Variants in NNT observed in about 807,000 individuals in gnomAD.
NNT encodes NAD(P) transhydrogenase, mitochondrial.
A neutral mutation model predicts 104.8 loss-of-function variants in NNT; 50 were observed. That is an observed-to-expected ratio of 0.48 (90% CI 0.38 to 0.60). The LOEUF (loss-of-function observed/expected upper bound fraction) is 0.60, where lower values mean the gene tolerates loss of function less well. Among genes scored for constraint, NNT ranks in the 20% least tolerant of loss-of-function variants. The pLI is 0.00. For missense variants in NNT, 1,131 were observed against 1,330.7 expected, an observed-to-expected ratio of 0.85 and a Z score of 2.33; for synonymous variants, 461 against 490.4, an observed-to-expected ratio of 0.94 and a Z score of 0.79.
intron 19 of NNT, among the ~76,000 whole-genome samples, chr5:43,683,367 T>A (rs1741820918): frequency 6.6e-6 from 1 of 152,198 alleles, no homozygotes; most frequent in South Asian, 2.1e-4. Flanking sequence ...AGCATATTGG[T>A]ATGGTGGAAA....
At chr5:43,648,289 CA>C in intron 10 of NNT, 1 of 993,910 alleles carries the variant, frequency 1.0e-6, no homozygotes. Context: ...TAGTTTACAT[CA>C]AGGAAAAAGG....
At chr5:43,683,674 C>G (rs1741835811) in intron 19 of NNT, among the ~76,000 whole-genome samples, 1 of 152,148 alleles carries the variant, frequency 6.6e-6, no homozygotes, top group African/African-American at 2.4e-5. Context: ...GCTCATTAGC[C>G]ATTGCATTCC....
chr5:43,641,215 T>C (rs1026005720), intron 7 of NNT, among the ~76,000 whole-genome samples: 2 of 152,152 alleles, frequency 1.3e-5, no homozygotes, highest in African/African-American at 4.8e-5. Flanking sequence ...AGTCTTTCTC[T>C]CTCTGGACTT....
At chr5:43,618,934 TC>T (rs1011673588) in intron 4 of NNT, 97 bp from the exon 5 acceptor site, 59 of 633,386 alleles carry the variant, frequency 9.3e-5, no homozygotes, top group Non-Finnish European at 1.3e-4. Context: ...TAGCTATTAT[TC>T]TTTGACAAAA....
chr5:43,603,175 T>G (rs1437392809), upstream of NNT: 1 of 152,562 alleles, frequency 6.6e-6, no homozygotes, highest in African/African-American at 2.4e-5. Context: ...CGCCGCGGAG[T>G]TGGGGCTGTT....
chr5:43,693,771 T>C (rs747419419), intron 19 of NNT, among the ~76,000 whole-genome samples: 4 of 152,232 alleles, frequency 2.6e-5, no homozygotes, highest in Non-Finnish European at 4.4e-5. Flanking sequence ...GAATAATTCA[T>C]GGTTGAAGAA....
At chr5:43,680,939 G>C (rs1438003435) in intron 19 of NNT, among the ~76,000 whole-genome samples, 1 of 151,972 alleles carries the variant, frequency 6.6e-6, no homozygotes, top group African/African-American at 2.4e-5. Context: ...TATATGATAG[G>C]CTTTTCATTA....
chr5:43,648,217 A>C, intron 10 of NNT: 1 of 1,050,772 alleles, frequency 9.5e-7, no homozygotes, highest in Non-Finnish European at 1.2e-6. Flanking sequence ...GTCATATTGA[A>C]TGATTTAATG....
intron 3 of NNT, among the ~76,000 whole-genome samples, chr5:43,615,399 A>T (rs1749735678): frequency 6.6e-6 from 1 of 152,242 alleles, no homozygotes; most frequent in African/African-American, 2.4e-5. Context: ...TTAATGTCTC[A>T]TCACTCCAAT....
At chr5:43,675,769 G>GT (rs1741383577) in intron 18 of NNT, 99 bp downstream of exon 18, 1 of 889,070 alleles carries the variant, frequency 1.1e-6, no homozygotes, top group Non-Finnish European at 1.6e-6. Flanking sequence ...AACTTCTTTA[G>GT]TTTTGAAAAT....
chr5:43,629,413 A>G (rs1257981553), intron 7 of NNT, among the ~76,000 whole-genome samples: 2 of 152,160 alleles, frequency 1.3e-5, no homozygotes, highest in African/African-American at 2.4e-5. Context: ...TATTTTTGCA[A>G]CTGTGAATTG....
chr5:43,666,946 A>C (rs1740733904), intron 17 of NNT: 1 of 1,588,314 alleles, frequency 6.3e-7, no homozygotes, highest in Admixed American at 1.7e-5. Flanking sequence ...AATGTAGGCA[A>C]GTGGATCGAG....
At chr5:43,604,855 A>T (rs1749121450) in intron 1 of NNT, among the ~76,000 whole-genome samples, 1 of 150,258 alleles carries the variant, frequency 6.7e-6, no homozygotes, top group African/African-American at 2.5e-5. Context: ...TTTTTTTTTT[A>T]GCAATGGGGG....
At chr5:43,672,570 G>C (rs1424916117) in intron 17 of NNT, among the ~76,000 whole-genome samples, 1 of 152,174 alleles carries the variant, frequency 6.6e-6, no homozygotes, top group Non-Finnish European at 1.5e-5. Context: ...TGTTTGCCTG[G>C]GTATCAGCAG....
intron 7 of NNT, among the ~76,000 whole-genome samples, chr5:43,628,893 T>C (rs893508433): frequency 6.6e-6 from 1 of 152,066 alleles, no homozygotes; most frequent in Non-Finnish European, 1.5e-5. Context: ...AGCCCTTTTG[T>C]GAATTTTTAT....
chr5:43,686,990 A>G (rs1025928647), intron 19 of NNT, among the ~76,000 whole-genome samples: 2 of 152,172 alleles, frequency 1.3e-5, no homozygotes, highest in Non-Finnish European at 2.9e-5. Context: ...AAAAAGAGAC[A>G]TAGATAGTGT....
At chr5:43,658,980 G>T (rs1740206266) in intron 16 of NNT, among the ~76,000 whole-genome samples, 191 bp from the exon 17 acceptor site, 1 of 151,942 alleles carries the variant, frequency 6.6e-6, no homozygotes, top group African/African-American at 2.4e-5. Context: ...AGGGGGGTGG[G>T]TGGCTCAGTG....
At chr5:43,696,075 A>T (rs1404991582) in intron 19 of NNT, among the ~76,000 whole-genome samples, 1 of 152,022 alleles carries the variant, frequency 6.6e-6, no homozygotes, top group East Asian at 1.9e-4. Context: ...CCATCCCCCA[A>T]ATTATTAACT....
chr5:43,632,201 CT>C (rs2111729158), intron 7 of NNT, among the ~76,000 whole-genome samples: 1 of 152,246 alleles, frequency 6.6e-6, no homozygotes, highest in African/African-American at 2.4e-5. Flanking sequence ...CCTGGGTCCC[CT>C]GATGATGTAT....
Sources: allele counts gnomAD v4.1 joint callset (sites outside exome capture counted in the v4.1 genomes callset), GRCh38; gene constraint gnomAD v4.1.1; transcripts MANE v1.5; gene names NCBI Gene and HGNC (gene_info 2026-07-23, HGNC 2026-07-21).